PDE4D: variants seen among roughly 807,000 people sequenced by gnomAD.
PDE4D encodes phosphodiesterase 4D.
Under a neutral mutation model 87.4 loss-of-function variants are expected in PDE4D, and 24 were observed. That is an observed-to-expected ratio of 0.27 (90% CI 0.20 to 0.39). The LOEUF (loss-of-function observed/expected upper bound fraction) is 0.39, where lower values mean the gene tolerates loss of function less well. Ranked by LOEUF, PDE4D falls within the 10% of genes least tolerant of loss-of-function variation. The probability of loss-of-function intolerance (pLI) is 1.00; values close to 1 mark genes in which losing one functional copy is unlikely to be tolerated. For synonymous variants in PDE4D, 384 were observed against 383.2 expected, an observed-to-expected ratio of 1.00 and a Z score of -0.02; for missense variants, 714 against 1,041.0, an observed-to-expected ratio of 0.69 and a Z score of 4.32.
intron 1 of PDE4D, among the ~76,000 whole-genome samples, chr5:59,672,824 G>A (rs1747448440): frequency 6.6e-6 from 1 of 152,146 alleles, no homozygotes; most frequent in African/African-American, 2.4e-5. Context: ...AGCTGATGAT[G>A]TCTTACCATC....
intron 2 of PDE4D, among the ~76,000 whole-genome samples, chr5:60,047,009 G>C (rs1769354533): frequency 6.6e-6 from 1 of 152,068 alleles, no homozygotes; most frequent in Admixed American, 6.5e-5. Flanking sequence ...GACTCTTTTT[G>C]GTTGGTAAGC....
rs192654059 is a variant in PDE4D, at chr5:60,208,465, A to C, written c.-89-22778T>G. On this transcript the variant is annotated intron_variant, in intron 1 of 16. Coordinates refer to the PDE4D transcript ENST00000502484. Reference sequence around the variant, plus strand: ...TTGAACTGTGTAGTTACGGTCTTGTAAGTTTTGGCTACAGCAAATCTATGG... The same window carrying C: ...TTGAACTGTGTAGTTACGGTCTTGTCAGTTTTGGCTACAGCAAATCTATGG... 5.9e-5 allele frequency among the ~76,000 whole-genome samples: 9 copies of C among 152,268 alleles called. No individual in the cohort carries two copies. In the East Asian group the frequency reaches 1.5e-3, roughly 26 times the overall value.
At chr5:60,140,889 A>G (rs1337385338) in intron 2 of PDE4D, among the ~76,000 whole-genome samples, 3 of 152,130 alleles carry the variant, frequency 2.0e-5, no homozygotes, top group Non-Finnish European at 4.4e-5. Context: ...AATGTATAAA[A>G]CTCACTCATG....
intron 3 of PDE4D, among the ~76,000 whole-genome samples, chr5:59,937,255 T>C (rs1163614680): frequency 5.9e-5 from 9 of 152,182 alleles, no homozygotes; most frequent in Admixed American, 3.9e-4. Flanking sequence ...GTATCCTCAA[T>C]GAGGAATTAG....
intron 1 of PDE4D, among the ~76,000 whole-genome samples, chr5:59,814,049 C>A (rs549977244): frequency 6.6e-6 from 1 of 152,118 alleles, no homozygotes; most frequent in Non-Finnish European, 1.5e-5. Flanking sequence ...TTAGCGATTG[C>A]GCTTAGAAAA....
At chr5:59,194,460 C>A (rs1056153819) in intron 2 of PDE4D, among the ~76,000 whole-genome samples, 1 of 152,132 alleles carries the variant, frequency 6.6e-6, no homozygotes. Flanking sequence ...ACCTGAGTGA[C>A]CCAAAACAAC....
At chr5:59,922,574 T>G (rs1202932094) in intron 3 of PDE4D, among the ~76,000 whole-genome samples, 1 of 152,048 alleles carries the variant, frequency 6.6e-6, no homozygotes, top group Admixed American at 6.5e-5. Context: ...CCTTACCTCC[T>G]GGATGACATT....
chr5:59,972,848 T>C (rs553870372), intron 3 of PDE4D, among the ~76,000 whole-genome samples: 1 of 152,168 alleles, frequency 6.6e-6, no homozygotes, highest in Non-Finnish European at 1.5e-5. Context: ...TCTACAAATA[T>C]CTTCCCTTTA....
chr5:59,036,524 G>C (rs1226172723), intron 6 of PDE4D, among the ~76,000 whole-genome samples: 1 of 152,192 alleles, frequency 6.6e-6, no homozygotes, highest in Non-Finnish European at 1.5e-5. Context: ...AACACTCACA[G>C]GGGCCTTCCG....
intron 1 of PDE4D, among the ~76,000 whole-genome samples, chr5:59,702,277 C>A (rs1211664379): frequency 6.6e-6 from 1 of 152,062 alleles, no homozygotes; most frequent in Non-Finnish European, 1.5e-5. Flanking sequence ...GTGCCCACCA[C>A]CACACCCGGC....
intron 1 of PDE4D, among the ~76,000 whole-genome samples, chr5:59,389,259 A>G (rs1787749042): frequency 6.6e-6 from 1 of 152,004 alleles, no homozygotes; most frequent in Admixed American, 6.6e-5. Context: ...AAAGTATGTC[A>G]TGTTTATGAT....
At chr5:59,291,291 G>A (rs1225830697) in intron 1 of PDE4D, among the ~76,000 whole-genome samples, 1 of 152,050 alleles carries the variant, frequency 6.6e-6, no homozygotes, top group Non-Finnish European at 1.5e-5. Flanking sequence ...CAATACGGAT[G>A]GAAGTGGAGA....
chr5:60,270,867 T>C (rs1750740461), intron 1 of PDE4D, among the ~76,000 whole-genome samples: 1 of 152,208 alleles, frequency 6.6e-6, no homozygotes, highest in Non-Finnish European at 1.5e-5. Context: ...TTCTTTATTA[T>C]TGAAATACGT....
At chr5:59,943,905 G>T (rs1193084758) in intron 3 of PDE4D, among the ~76,000 whole-genome samples, 1 of 152,166 alleles carries the variant, frequency 6.6e-6, no homozygotes, top group Non-Finnish European at 1.5e-5. Flanking sequence ...ATACCCCAGG[G>T]ACTATTATGG....
intron 1 of PDE4D, among the ~76,000 whole-genome samples, chr5:59,823,440 C>T (rs1197768612): frequency 6.6e-6 from 1 of 152,140 alleles, no homozygotes; most frequent in Non-Finnish European, 1.5e-5. Flanking sequence ...AAGGACAGAG[C>T]TTGCCCAGCA....
chr5:60,422,092 A>G (rs1410926792), intron 1 of PDE4D, among the ~76,000 whole-genome samples: 1 of 152,234 alleles, frequency 6.6e-6, no homozygotes, highest in Non-Finnish European at 1.5e-5. Context: ...AGTGACGGGG[A>G]GAATGGAACC....
intron 2 of PDE4D, among the ~76,000 whole-genome samples, chr5:60,140,988 G>T (rs573636777): frequency 6.6e-6 from 1 of 152,090 alleles, no homozygotes; most frequent in African/African-American, 2.4e-5. Flanking sequence ...AGCCCCTTGC[G>T]GGATTAGAAC....
At chr5:59,643,320 G>A (rs927751139) in intron 1 of PDE4D, among the ~76,000 whole-genome samples, 1 of 152,140 alleles carries the variant, frequency 6.6e-6, no homozygotes, top group African/African-American at 2.4e-5. Flanking sequence ...AGGAGACAGT[G>A]GCCCAGAGAG....
chr5:59,052,365 A>G (rs1220673174), intron 5 of PDE4D, among the ~76,000 whole-genome samples: 1 of 152,220 alleles, frequency 6.6e-6, no homozygotes, highest in Non-Finnish European at 1.5e-5. Flanking sequence ...ATGTGTGGAC[A>G]GTAAATGGGC....
Sources: gnomAD v4.1 joint callset for allele counts (sites outside exome capture counted in the v4.1 genomes callset) on GRCh38, gnomAD v4.1.1 for gene constraint, MANE v1.5 for transcripts, NCBI Gene and HGNC (gene_info 2026-07-23, HGNC 2026-07-21) for gene names.